UBE2E2: variants seen among roughly 807,000 people sequenced by gnomAD.
The protein encoded by UBE2E2 is ubiquitin conjugating enzyme E2 E2.
Under a neutral mutation model 24.7 loss-of-function variants are expected in UBE2E2, and 6 were observed. The observed-to-expected ratio is 0.24, with a 90% CI of 0.13 to 0.48. The LOEUF (loss-of-function observed/expected upper bound fraction) is 0.48, where lower values mean the gene tolerates loss of function less well. Among genes scored for constraint, UBE2E2 ranks in the 20% least tolerant of loss-of-function variants. The probability of loss-of-function intolerance (pLI) is 0.99; values close to 1 mark genes in which losing one functional copy is unlikely to be tolerated. For synonymous variants in UBE2E2, 104 were observed against 83.6 expected (o/e 1.24, Z -1.33); for missense variants, 169 against 245.0 (o/e 0.69, Z 2.07).
At position 23,474,480 on chromosome 3, in the gene UBE2E2, TAATC is replaced by T. The variant is rs1699087093; in HGVS notation, c.228-25127_228-25124del. Among the ~76,000 whole-genome samples the T allele has an allele frequency of 2.6e-5, 4 of 152,136 alleles. No individual in the cohort carries two copies. Among genetic ancestry groups the T allele is most frequent in the African/African-American group, 7.3e-5 (3 of 41,372 alleles). On this transcript the variant is annotated intron_variant, in intron 3 of 5. Coordinates refer to ENST00000396703, the MANE Select transcript of UBE2E2 (RefSeq NM_152653.4). The surrounding 1 kb of genome is among the most constrained non-coding windows in gnomAD (Gnocchi z 4.0). ...AATACACGTTATTGTACATTTCTAA[TAATC>T]TATCACAAAAAAATCATAGAATTAT...
chr3:23,430,444 GT>G (rs1192544783), intron 3 of UBE2E2, among the ~76,000 whole-genome samples: 1 of 151,802 alleles, frequency 6.6e-6, no homozygotes, highest in African/African-American at 2.4e-5. Context: ...ATCCATTAAA[GT>G]TTTTAGAACA....
intron 4 of UBE2E2, among the ~76,000 whole-genome samples, chr3:23,512,071 C>T (rs1172281925): frequency 1.3e-5 from 2 of 152,016 alleles, no homozygotes; most frequent in Non-Finnish European, 2.9e-5. Context: ...AACTCCTGGC[C>T]TCCTAATTTC....
chr3:23,211,374 G>C (rs1448115856), intron 2 of UBE2E2, among the ~76,000 whole-genome samples: 1 of 151,190 alleles, frequency 6.6e-6, no homozygotes, highest in African/African-American at 2.4e-5. Flanking sequence ...TTTGAATCTA[G>C]GTTCTAGCAT....
At chr3:23,268,900 A>T (rs1163427728) in intron 3 of UBE2E2, among the ~76,000 whole-genome samples, 2 of 152,202 alleles carry the variant, frequency 1.3e-5, no homozygotes, top group African/African-American at 4.8e-5. Context: ...ATAACGCCAC[A>T]TATCTACAAC....
At chr3:23,553,861 A>G (rs1695710167) in intron 5 of UBE2E2, among the ~76,000 whole-genome samples, 1 of 152,156 alleles carries the variant, frequency 6.6e-6, no homozygotes, top group Non-Finnish European at 1.5e-5. Context: ...AGACCTGTAC[A>G]CTAGAAAATG....
chr3:23,375,356 T>C (rs995818986), intron 3 of UBE2E2, among the ~76,000 whole-genome samples: 2 of 152,218 alleles, frequency 1.3e-5, no homozygotes, highest in African/African-American at 4.8e-5. Flanking sequence ...ATGAGAATGC[T>C]ACCTGATCCA....
At chr3:23,292,099 T>C (rs542942201) in intron 3 of UBE2E2, among the ~76,000 whole-genome samples, 385 of 152,010 alleles carry the variant, frequency 2.5e-3, no homozygotes, top group Non-Finnish European at 4.0e-3. Flanking sequence ...ACCTCGTGAT[T>C]CGCTCACCTT....
intron 3 of UBE2E2, among the ~76,000 whole-genome samples, chr3:23,217,716 A>G (rs1411279602): frequency 6.6e-6 from 1 of 152,118 alleles, no homozygotes; most frequent in East Asian, 1.9e-4. Context: ...ATGCAGACAC[A>G]TTAAACAGTG....
intron 3 of UBE2E2, among the ~76,000 whole-genome samples, chr3:23,304,842 T>G (rs977953475): frequency 6.6e-6 from 1 of 151,946 alleles, no homozygotes; most frequent in African/African-American, 2.4e-5. Flanking sequence ...ATTTATTCAC[T>G]TATTCATTGG....
intron 5 of UBE2E2, among the ~76,000 whole-genome samples, chr3:23,551,331 CA>C (rs1380984498): frequency 1.3e-5 from 2 of 152,194 alleles, no homozygotes; most frequent in African/African-American, 4.8e-5. Flanking sequence ...TAAGTATTCT[CA>C]AATTGATTTA....
intron 1 of UBE2E2, among the ~76,000 whole-genome samples, chr3:23,204,983 A>T (rs749109598): frequency 1.2e-4 from 19 of 152,204 alleles, no homozygotes; most frequent in Non-Finnish European, 2.6e-4. Context: ...GCCTTTATGT[A>T]GTCAGTAATA....
chr3:23,433,551 A>G (rs995168126), intron 3 of UBE2E2, among the ~76,000 whole-genome samples: 11 of 152,006 alleles, frequency 7.2e-5, no homozygotes, highest in African/African-American at 2.7e-4. Context: ...GCAGATTTAT[A>G]TGATCTGATG....
intron 3 of UBE2E2, among the ~76,000 whole-genome samples, chr3:23,327,526 T>C (rs1694934946): frequency 1.3e-5 from 2 of 152,226 alleles, no homozygotes; most frequent in South Asian, 4.1e-4. Context: ...TTAAGCAGCC[T>C]TTTAACTAGG....
At chr3:23,414,106 A>G (rs60421061) in intron 3 of UBE2E2, among the ~76,000 whole-genome samples, 95 of 152,316 alleles carry the variant, frequency 6.2e-4, no homozygotes, top group African/African-American at 2.0e-3. Context: ...GATTATCCCA[A>G]TGTACAACAA....
chr3:23,581,883 T>C (rs1358972237), intron 5 of UBE2E2, among the ~76,000 whole-genome samples: 1 of 152,242 alleles, frequency 6.6e-6, no homozygotes, highest in Non-Finnish European at 1.5e-5. Flanking sequence ...ACTTTCCTCT[T>C]ACCACTTAGC....
At chr3:23,304,555 A>G (rs115867975) in intron 3 of UBE2E2, among the ~76,000 whole-genome samples, 10,786 of 152,240 alleles carry the variant, frequency 0.071, 527 homozygotes, top group Non-Finnish European at 0.092. Flanking sequence ...TTAACAGACC[A>G]CAGCTGTTTC....
At chr3:23,274,217 A>T in intron 3 of UBE2E2, among the ~76,000 whole-genome samples, 1 of 152,182 alleles carries the variant, frequency 6.6e-6, no homozygotes. Context: ...TTATCTTTTG[A>T]TACCCTTTTA....
chr3:23,207,409 A>C (rs545864828), intron 1 of UBE2E2, among the ~76,000 whole-genome samples: 1 of 149,428 alleles, frequency 6.7e-6, no homozygotes, highest in East Asian at 2.0e-4. Flanking sequence ...CTTGAGGGAT[A>C]TTTTAGCCAG....
chr3:23,366,576 T>C (rs2125336437), intron 3 of UBE2E2, among the ~76,000 whole-genome samples: 1 of 152,200 alleles, frequency 6.6e-6, no homozygotes, highest in East Asian at 1.9e-4. Flanking sequence ...TGAGTACACA[T>C]GCACACAAAT....
Sources: gnomAD v4.1 joint callset for allele counts (sites outside exome capture counted in the v4.1 genomes callset) on GRCh38, gnomAD v4.1.1 for gene constraint, Gnocchi (gnomAD v3.1) non-coding constraint, MANE v1.5 for transcripts, NCBI Gene and HGNC (gene_info 2026-07-23, HGNC 2026-07-21) for gene names.